Variants in MAPKAPK2 observed in about 807,000 individuals in gnomAD.
The protein encoded by MAPKAPK2 is MAPK activated protein kinase 2, also known as MAP kinase-activated protein kinase 2.
A neutral mutation model predicts 48.8 loss-of-function variants in MAPKAPK2; 9 were observed. That is an observed-to-expected ratio of 0.18 (90% CI 0.11 to 0.32). The LOEUF (loss-of-function observed/expected upper bound fraction) is 0.32, where lower values mean the gene tolerates loss of function less well. MAPKAPK2 is among the 10% of genes least tolerant of loss of function. MAPKAPK2 has a pLI of 1.00. For synonymous variants in MAPKAPK2, 202 were observed against 190.6 expected, an observed-to-expected ratio of 1.06 and a Z score of -0.49; for missense variants, 331 against 498.3, an observed-to-expected ratio of 0.66 and a Z score of 3.20.
At chr1:206,689,593 T>A (rs782316206) in intron 1 of MAPKAPK2, among the ~76,000 whole-genome samples, 1 of 152,200 alleles carries the variant, frequency 6.6e-6, no homozygotes, top group African/African-American at 2.4e-5. Context: ...CTTAGTTGCA[T>A]GGAGGATACA....
intron 1 of MAPKAPK2, among the ~76,000 whole-genome samples, chr1:206,711,296 C>T (rs1417836432): frequency 2.0e-5 from 3 of 152,236 alleles, no homozygotes; most frequent in East Asian, 3.8e-4. Flanking sequence ...GTCGCCCAGG[C>T]TGGAGCGCAG....
chr1:206,701,358 T>C (rs1206690560), intron 1 of MAPKAPK2, among the ~76,000 whole-genome samples: 1 of 152,184 alleles, frequency 6.6e-6, no homozygotes, highest in African/African-American at 2.4e-5. Context: ...GTGGCACAGA[T>C]AGAGAACATT....
At position 206,732,877 on chromosome 1, in the gene MAPKAPK2, GCCA is replaced by G. The variant is rs1673972562; in HGVS notation, c.*162_*164del. On this transcript the variant is annotated 3_prime_UTR_variant, in exon 10 of 10. Transcript: ENST00000367103. The surrounding 1 kb of genome is among the most constrained non-coding windows in gnomAD (Gnocchi z 4.4). The stretch of plus-strand genomic sequence containing the variant: ...GTGACTGAATTCTGCCTTGGTTCTG[GCCA>G]CCCCAGAGTGGGAGAGGCTGGGAGG... 1.2e-6 allele frequency: 1 copy of G among 865,898 alleles called. No individual in the cohort carries two copies. The highest frequency in any genetic ancestry group is 1.7e-5 in the African/African-American group (1 of 58,694). The allele number at this position is 865,898 out of a possible 1,614,324, so 53.6% of individuals were successfully genotyped here.
chr1:206,724,384 T>TCCACACTTGTCCACAGAG (rs1553431655), intron 1 of MAPKAPK2, among the ~76,000 whole-genome samples: 2 of 152,148 alleles, frequency 1.3e-5, no homozygotes, highest in African/African-American at 4.8e-5. Context: ...CCTTCTGCGC[T>TCCACACTTGTCCACAGAG]CCACACTTGT....
chr1:206,717,927 C>CT (rs1375642644), intron 1 of MAPKAPK2, among the ~76,000 whole-genome samples: 17 of 151,790 alleles, frequency 1.1e-4, no homozygotes, highest in African/African-American at 3.4e-4. Context: ...ACACTGCTAC[C>CT]TTTTTTTTGC....
At chr1:206,727,647 G>C (rs1673743296) in intron 1 of MAPKAPK2, among the ~76,000 whole-genome samples, 1 of 151,880 alleles carries the variant, frequency 6.6e-6, no homozygotes, top group Non-Finnish European at 1.5e-5. Flanking sequence ...TTGAGATGGA[G>C]TCTCGCTCTG....
chr1:206,691,026 T>C (rs1478513698), intron 1 of MAPKAPK2, among the ~76,000 whole-genome samples: 3 of 152,030 alleles, frequency 2.0e-5, no homozygotes, highest in African/African-American at 7.2e-5. Flanking sequence ...GGACTGCAGC[T>C]TTTCTTGGTA....
At chr1:206,723,134 A>G (rs544762498) in intron 1 of MAPKAPK2, among the ~76,000 whole-genome samples, 1 of 152,194 alleles carries the variant, frequency 6.6e-6, no homozygotes, top group Non-Finnish European at 1.5e-5. Context: ...CGCCCAGCTT[A>G]GGTGGTGTAG....
At chr1:206,707,857 A>G (rs1272102400) in intron 1 of MAPKAPK2, among the ~76,000 whole-genome samples, 3 of 152,146 alleles carry the variant, frequency 2.0e-5, no homozygotes, top group Admixed American at 1.3e-4. Flanking sequence ...GTAACAGGAG[A>G]CTTCTTGCAT....
chr1:206,731,083 G>A lies in MAPKAPK2; in HGVS notation c.768-55G>A. ...TGTTTCTCATCCTGTTCCTGGTACAGGGCCACTAAGTGACAGCTGTTCTGT... is the reference window on the plus strand; with the variant it reads ...TGTTTCTCATCCTGTTCCTGGTACAAGGCCACTAAGTGACAGCTGTTCTGT... On this transcript the variant is annotated intron_variant, in intron 6 of 9. Coordinates refer to ENST00000367103, the MANE Select transcript of MAPKAPK2 (RefSeq NM_032960.4). The surrounding 1 kb of genome is among the most constrained non-coding windows in gnomAD (Gnocchi z 5.9). The A allele has an allele frequency of 6.2e-7, 1 of 1,610,978 alleles. No individual in the cohort carries two copies. The highest frequency in any genetic ancestry group is 8.5e-7 in the Non-Finnish European group (1 of 1,177,212).
At chr1:206,699,028 G>T (rs1553427495) in intron 1 of MAPKAPK2, among the ~76,000 whole-genome samples, 3 of 152,142 alleles carry the variant, frequency 2.0e-5, no homozygotes, top group Non-Finnish European at 4.4e-5. Context: ...AATATTTATG[G>T]GATACTTATT....
intron 1 of MAPKAPK2, 24 bp downstream of exon 1, chr1:206,685,532 G>C: frequency 1.3e-6 from 2 of 1,487,902 alleles, no homozygotes; most frequent in Non-Finnish European, 1.8e-6. Context: ...CCGGGGAGGG[G>C]AGGCGGGGCC....
At chr1:206,696,698 C>T (rs141475484) in intron 1 of MAPKAPK2, among the ~76,000 whole-genome samples, 7 of 152,038 alleles carry the variant, frequency 4.6e-5, no homozygotes, top group Admixed American at 2.0e-4. Context: ...AGCGAGACCC[C>T]GTCTCTGAAA....
intron 1 of MAPKAPK2, among the ~76,000 whole-genome samples, chr1:206,712,365 C>CA (rs1336207549): frequency 6.6e-6 from 1 of 152,200 alleles, no homozygotes; most frequent in Non-Finnish European, 1.5e-5. Flanking sequence ...TCAGGGCCCA[C>CA]AGCAGTTTAA....
In MAPKAPK2 at chr1:206,731,189, G is replaced by T; in HGVS notation, c.819G>T (p.Pro273=). The part of the protein sequence containing the change: ...FYSNHGLAIS[P]GMKTRIRMGQ... Reference sequence around the variant, plus strand: ...CCAACCACGGCCTTGCCATCTCTCCGGGCATGAAGACTCGCATCCGAATGG... The same window carrying T: ...CCAACCACGGCCTTGCCATCTCTCCTGGCATGAAGACTCGCATCCGAATGG... The change falls in exon 7 of 10, where the codon CCG becomes CCT. Residue 273 remains proline (P), a synonymous_variant. Transcript: ENST00000367103. The surrounding 1 kb of genome is among the most constrained non-coding windows in gnomAD (Gnocchi z 5.9). 1 of 1,614,144 alleles carries T rather than the reference G, an allele frequency of 6.2e-7. No individual in the cohort carries two copies. Among genetic ancestry groups the T allele is most frequent in the Non-Finnish European group, 8.5e-7 (1 of 1,180,030 alleles).
At position 206,730,684 on chromosome 1, in the gene MAPKAPK2, G is replaced by T; in HGVS notation, c.692-4G>T. The T allele has an allele frequency of 1.9e-6, 3 of 1,611,068 alleles. No individual in the cohort carries two copies. The highest frequency in any genetic ancestry group is 2.5e-6 in the Non-Finnish European group (3 of 1,178,368). The stretch of plus-strand genomic sequence containing the variant: ...GCCCACCCATGTTGACCTTTGATTT[G>T]CAGCTCCAGAAGTGCTGGGTCCAGA... On this transcript the variant is annotated splice_polypyrimidine_tract_variant and splice_region_variant and intron_variant, in intron 5 of 9. Transcript: ENST00000367103.
At chr1:206,691,482 G>GATAGATATAT (rs371759587) in intron 1 of MAPKAPK2, among the ~76,000 whole-genome samples, 1 of 77,294 alleles carries the variant, frequency 1.3e-5, no homozygotes. Context: ...TGTATTTTAA[G>GATAGATATAT]ATATATATAT....
At chr1:206,687,676 C>T (rs1439349990) in intron 1 of MAPKAPK2, among the ~76,000 whole-genome samples, 1 of 152,146 alleles carries the variant, frequency 6.6e-6, no homozygotes, top group Non-Finnish European at 1.5e-5. Context: ...GAGACACACA[C>T]CAAAGAGATT....
At chr1:206,709,220 C>T (rs1487458280) in intron 1 of MAPKAPK2, among the ~76,000 whole-genome samples, 1 of 152,230 alleles carries the variant, frequency 6.6e-6, no homozygotes, top group Non-Finnish European at 1.5e-5. Context: ...GTTATCACAT[C>T]CAGTCCCTCA....
Sources: gnomAD v4.1 joint callset for allele counts (sites outside exome capture counted in the v4.1 genomes callset) on GRCh38, gnomAD v4.1.1 for gene constraint, Gnocchi (gnomAD v3.1) non-coding constraint, MANE v1.5 for transcripts, NCBI Gene and HGNC (gene_info 2026-07-23, HGNC 2026-07-21) for gene names.